The following GULP1 variants were observed in gnomAD, a reference collection of about 807,000 sequenced individuals.
GULP1 encodes PTB domain-containing engulfment adapter protein 1.
Under a neutral mutation model 40.9 loss-of-function variants are expected in GULP1, and 19 were observed. That is an observed-to-expected ratio of 0.46 (90% confidence interval 0.32 to 0.68). GULP1 has a LOEUF of 0.68. Among genes scored for constraint, GULP1 ranks in the 30% least tolerant of loss-of-function variants. The probability of loss-of-function intolerance (pLI) is 0.03; values close to 1 mark genes in which losing one functional copy is unlikely to be tolerated. For missense variants in GULP1, 312 were observed against 362.2 expected (o/e 0.86, Z 1.12); for synonymous variants, 119 against 117.6 (o/e 1.01, Z -0.08).
At chr2:188,338,994 C>G (rs949114829) in intron 1 of GULP1, among the ~76,000 whole-genome samples, 2 of 152,096 alleles carry the variant, frequency 1.3e-5, no homozygotes, top group Admixed American at 6.6e-5. Flanking sequence ...GTACAATGCT[C>G]TTTATGATGA....
chr2:188,358,031 A>G (rs2045585387), intron 1 of GULP1, among the ~76,000 whole-genome samples: 1 of 152,106 alleles, frequency 6.6e-6, no homozygotes, highest in South Asian at 2.1e-4. Flanking sequence ...AAAATAAAAA[A>G]TTAGTGGGGT....
chr2:188,574,034 A>G (rs1295648556), intron 9 of GULP1, among the ~76,000 whole-genome samples: 2 of 152,212 alleles, frequency 1.3e-5, no homozygotes, highest in African/African-American at 2.4e-5. Context: ...TCACAAATAT[A>G]TACTTATAAG....
At chr2:188,293,565 A>G (rs181334880) in intron 1 of GULP1, among the ~76,000 whole-genome samples, 117 of 152,300 alleles carry the variant, frequency 7.7e-4, no homozygotes, top group African/African-American at 2.7e-3. Flanking sequence ...AAATTCTTCA[A>G]ATTTGCAAAT....
rs144102009 is a variant in GULP1 at position 188,475,508 on chromosome 2, G to A, written c.-44-2151G>A. 1.6e-3 allele frequency among the ~76,000 whole-genome samples: 249 copies of A among 151,482 alleles called. 1 individual carries two copies. The highest frequency in any genetic ancestry group is 3.9e-3 in the African/African-American group (162 of 41,336). On this transcript the variant is annotated intron_variant, in intron 2 of 11. Coordinates refer to ENST00000409830, the MANE Select transcript of GULP1 (RefSeq NM_016315.4). ...ATTTTAAGAATTTTTAAATCATATA[G>A]TATTAAACTCCTTTTTTTATATTTC...
chr2:188,463,985 A>G (rs2059919705), intron 2 of GULP1, among the ~76,000 whole-genome samples: 1 of 152,118 alleles, frequency 6.6e-6, no homozygotes, highest in Admixed American at 6.6e-5. Flanking sequence ...CAAAGGTCAC[A>G]TATCTCTGTT....
At chr2:188,496,556 A>G (rs1268989968) in intron 4 of GULP1, among the ~76,000 whole-genome samples, 1 of 151,988 alleles carries the variant, frequency 6.6e-6, no homozygotes, top group Non-Finnish European at 1.5e-5. Flanking sequence ...TGTCAATAAA[A>G]ATAATTATTT....
intron 9 of GULP1, among the ~76,000 whole-genome samples, chr2:188,579,971 C>A (rs941679532): frequency 6.6e-6 from 1 of 152,114 alleles, no homozygotes; most frequent in African/African-American, 2.4e-5. Context: ...GGACAACTTC[C>A]ACTTAATATC....
chr2:188,502,963 G>A (rs141396522), intron 4 of GULP1, among the ~76,000 whole-genome samples: 148 of 151,958 alleles, frequency 9.7e-4, no homozygotes, highest in African/African-American at 3.4e-3. Flanking sequence ...TCCTCACATG[G>A]CAGAAAGGAC....
chr2:188,351,709 A>G (rs941268638), intron 1 of GULP1, among the ~76,000 whole-genome samples: 7 of 152,176 alleles, frequency 4.6e-5, no homozygotes, highest in African/African-American at 1.7e-4. Context: ...TTATGAGACC[A>G]TGTTACATCA....
chr2:188,368,910 AAT>A lies in GULP1; in HGVS notation c.-171-14842_-171-14841del, dbSNP rs374984039. ...TCTTTGAGAGTGTATTAATAGATAGAATATATATATATGTATATATATATGTG... is the reference window on the plus strand; with the variant it reads ...TCTTTGAGAGTGTATTAATAGATAGAATATATATATGTATATATATATGTG... On this transcript the variant is annotated intron_variant, in intron 1 of 11. Transcript: ENST00000409830. 9.3e-3 allele frequency among the ~76,000 whole-genome samples: 1,043 copies of A among 111,892 alleles called. 23 individuals carry two copies. Among genetic ancestry groups the A allele is most frequent in the African/African-American group, 0.026 (780 of 29,510 alleles). The allele number at this position is 111,892 out of a possible 152,430, so 73.4% of individuals were successfully genotyped here. A position where few individuals can be genotyped will look rare whatever the true frequency, so the allele number is the denominator to read the frequency against.
intron 11 of GULP1, 125 bp from the exon 12 acceptor site, chr2:188,593,815 C>A (rs1704059629): frequency 3.2e-6 from 2 of 617,446 alleles, no homozygotes; most frequent in East Asian, 5.6e-5. Context: ...CAACATTTGA[C>A]ATATAGTTAT....
At chr2:188,552,577 C>T (rs1469099623) in intron 7 of GULP1, among the ~76,000 whole-genome samples, 1 of 151,578 alleles carries the variant, frequency 6.6e-6, no homozygotes, top group South Asian at 2.1e-4. Flanking sequence ...ATTTTGAAGT[C>T]GGGTAATGTG....
intron 4 of GULP1, among the ~76,000 whole-genome samples, chr2:188,522,080 A>C (rs577524883): frequency 1.9e-4 from 29 of 152,334 alleles, no homozygotes; most frequent in African/African-American, 7.0e-4. Context: ...CGTCTCAAAA[A>C]CAAAACCAAA....
chr2:188,303,093 A>G (rs2036435363), intron 1 of GULP1, among the ~76,000 whole-genome samples: 2 of 152,082 alleles, frequency 1.3e-5, no homozygotes, highest in Admixed American at 1.3e-4. Context: ...ATTTTATAAA[A>G]CTCTAGTTCA....
intron 5 of GULP1, among the ~76,000 whole-genome samples, chr2:188,523,488 T>C (rs1349499186): frequency 6.6e-6 from 1 of 152,220 alleles, no homozygotes; most frequent in East Asian, 1.9e-4. Context: ...CACTGAGCTT[T>C]TGAAATTTAC....
chr2:188,361,087 C>T (rs796664046), intron 1 of GULP1, among the ~76,000 whole-genome samples: 3 of 152,024 alleles, frequency 2.0e-5, no homozygotes, highest in South Asian at 2.1e-4. Context: ...TTGACCATGA[C>T]GTATTAAATG....
intron 7 of GULP1, among the ~76,000 whole-genome samples, chr2:188,550,585 A>C (rs1693196563): frequency 6.6e-6 from 1 of 151,664 alleles, no homozygotes; most frequent in African/African-American, 2.4e-5. Flanking sequence ...GCAAAGTTTA[A>C]AACTTCATTT....
intron 7 of GULP1, among the ~76,000 whole-genome samples, chr2:188,564,754 A>T (rs918925629): frequency 6.6e-6 from 1 of 151,958 alleles, no homozygotes; most frequent in Non-Finnish European, 1.5e-5. Flanking sequence ...TAGAACAAAA[A>T]CAAATTAATT....
intron 1 of GULP1, among the ~76,000 whole-genome samples, chr2:188,366,917 TC>T (rs141875556): frequency 0.03 from 4,542 of 152,212 alleles, 247 homozygotes; most frequent in African/African-American, 0.1. Context: ...CCTTGCATCT[TC>T]CACTCAAGAA....
Sources: gnomAD v4.1 joint callset for allele counts (sites outside exome capture counted in the v4.1 genomes callset) on GRCh38, gnomAD v4.1.1 for gene constraint, MANE v1.5 for transcripts, NCBI Gene and HGNC (gene_info 2026-07-23, HGNC 2026-07-21) for gene names.